The following UBE4B variants were observed in gnomAD, a reference collection of about 807,000 sequenced individuals.
UBE4B encodes ubiquitin conjugation factor E4 B.
UBE4B carries 27 observed loss-of-function variants against 148.1 expected under a neutral mutation model. That is an observed-to-expected ratio of 0.18 (90% CI 0.13 to 0.25). The LOEUF is 0.25. Ranked by LOEUF, UBE4B falls within the 10% of genes least tolerant of loss-of-function variation. The pLI, the probability that UBE4B is intolerant of heterozygous loss-of-function variation, is 1.00. For synonymous variants in UBE4B, 596 were observed against 619.3 expected (o/e 0.96, Z 0.56); for missense variants, 1,170 against 1,662.4 (o/e 0.70, Z 5.15).
chr1:10,136,923 A>G, intron 16 of UBE4B, 144 bp from the exon 17 acceptor site: 1 of 897,170 alleles, frequency 1.1e-6, no homozygotes, highest in Non-Finnish European at 1.6e-6. Flanking sequence ...TCCATCTCAA[A>G]TAAATAAATA....
At chr1:10,061,499 C>T (rs958076769) in intron 1 of UBE4B, among the ~76,000 whole-genome samples, 1 of 152,154 alleles carries the variant, frequency 6.6e-6, no homozygotes, top group Non-Finnish European at 1.5e-5. Context: ...TCAGGTAATC[C>T]GCCTGCTTCC....
At chr1:10,119,459 A>T (rs955492252) in intron 8 of UBE4B, 54 bp from the exon 9 acceptor site, 13 of 1,565,318 alleles carry the variant, frequency 8.3e-6, no homozygotes, top group Middle Eastern at 1.7e-4. Flanking sequence ...TTTTAACAGC[A>T]TGGAATTGTA....
intron 5 of UBE4B, 96 bp from the exon 6 acceptor site, chr1:10,105,420 G>T: frequency 1.0e-6 from 1 of 993,950 alleles, no homozygotes; most frequent in South Asian, 1.4e-5. Context: ...CCAGGATACT[G>T]CATCGAACCA....
At chr1:10,057,606 G>C (rs1444235793) in intron 1 of UBE4B, among the ~76,000 whole-genome samples, 4 of 150,750 alleles carry the variant, frequency 2.7e-5, no homozygotes, top group Non-Finnish European at 5.9e-5. Flanking sequence ...GAGTCTTGCT[G>C]TGTTCCCCAG....
In UBE4B at chr1:10,178,787, C is replaced by G; in HGVS notation, c.3669C>G (p.Ile1223Met). ...TGGCCAAGAACGCACGCGCAGAAAT[C>G]GACTACAGCGACGCTCCTGATGAGT... ...EIVAKNARAEIDYSDAPDEFR... is the reference protein window; with the variant it reads ...EIVAKNARAEMDYSDAPDEFR... Residue 1223 changes from isoleucine to methionine, a missense_variant, in exon 26 of 28, where the codon ATC becomes ATG. Transcript: ENST00000343090. 1 of 1,612,586 alleles carries G rather than the reference C, an allele frequency of 6.2e-7. No homozygotes were observed. The highest frequency in any genetic ancestry group is 8.5e-7 in the Non-Finnish European group (1 of 1,179,558).
chr1:10,091,654 G>T (rs954817273), intron 2 of UBE4B, among the ~76,000 whole-genome samples: 1 of 151,984 alleles, frequency 6.6e-6, no homozygotes, highest in South Asian at 2.1e-4. Context: ...CACCCAGGCC[G>T]CAGTGCAGTG....
At chr1:10,047,409 C>G (rs1019754480) in intron 1 of UBE4B, among the ~76,000 whole-genome samples, 6 of 151,998 alleles carry the variant, frequency 3.9e-5, no homozygotes, top group African/African-American at 7.2e-5. Flanking sequence ...ATCTGCATCC[C>G]AGTCCTTAGG....
At chr1:10,070,962 A>G (rs1299792008) in intron 1 of UBE4B, among the ~76,000 whole-genome samples, 4 of 152,116 alleles carry the variant, frequency 2.6e-5, no homozygotes, top group Non-Finnish European at 5.9e-5. Context: ...CCCAGGCTAG[A>G]GTGCAGTGGT....
chr1:10,094,687 A>G (rs890604380), intron 2 of UBE4B, among the ~76,000 whole-genome samples: 18 of 149,642 alleles, frequency 1.2e-4, no homozygotes, highest in Middle Eastern at 3.2e-3. Context: ...ACCCGCCTCG[A>G]CCTCCCAAAA....
intron 1 of UBE4B, among the ~76,000 whole-genome samples, chr1:10,061,879 G>C (rs1644293514): frequency 6.6e-6 from 1 of 151,244 alleles, no homozygotes; most frequent in South Asian, 2.1e-4. Context: ...TGTAGTGTGT[G>C]CTGATCTCAC....
chr1:10,151,572 G>T lies in UBE4B; in HGVS notation c.2926+11G>T. On this transcript the variant is annotated intron_variant, in intron 21 of 27. Transcript: ENST00000343090. The stretch of plus-strand genomic sequence containing the variant: ...TGAAGTTTTATACAGGTAGGTTGCT[G>T]GAACACAGTGTAGCACATGGCAGGC... 6.2e-7 allele frequency: 1 copy of T among 1,610,394 alleles called. No homozygotes were observed.
At chr1:10,140,846 C>G (rs1415271956) in intron 17 of UBE4B, among the ~76,000 whole-genome samples, 1 of 152,172 alleles carries the variant, frequency 6.6e-6, no homozygotes, top group African/African-American at 2.4e-5. Flanking sequence ...ATTTTCCAAG[C>G]TCTTTAAGTT....
rs1446588132 is a variant in UBE4B, at chr1:10,168,907, AG to A, written c.3333+638del. 1.3e-5 allele frequency among the ~76,000 whole-genome samples: 2 copies of A among 150,882 alleles called. No individual in the cohort carries two copies. The highest frequency in any genetic ancestry group is 2.4e-5 in the African/African-American group (1 of 41,054). On this transcript the variant is annotated intron_variant, in intron 24 of 27. Coordinates refer to ENST00000343090, the MANE Select transcript of UBE4B (RefSeq NM_001105562.3). This position sits in a 1 kb window ranked among gnomAD's most constrained non-coding sequence, Gnocchi z 4.9. ...ACTCCATCTCAAAAAAAAAAAAAAA[AG>A]AAGAAGAAAAAGCATAAGGTAACAG...
chr1:10,051,654 G>A lies in UBE4B; in HGVS notation c.24+17960G>A, dbSNP rs193265213. Among the ~76,000 whole-genome samples the A allele has an allele frequency of 1.5e-3, 233 of 152,302 alleles. 4 individuals carry two copies. The highest frequency in any genetic ancestry group is 2.5e-3 in the Non-Finnish European group (171 of 68,032). ...GATTGGTGGCCTGAATGTACTAAGA[G>A]GGTGAAGGTGGAGTGTAGAGCTTTG... On this transcript the variant is annotated intron_variant, in intron 1 of 27. Coordinates refer to ENST00000343090, the MANE Select transcript of UBE4B (RefSeq NM_001105562.3).
intron 25 of UBE4B, among the ~76,000 whole-genome samples, chr1:10,175,446 T>C (rs1425024433): frequency 6.6e-6 from 1 of 151,382 alleles, no homozygotes; most frequent in Non-Finnish European, 1.5e-5. Flanking sequence ...GGTCAGGAGA[T>C]CGAGACCGTC....
rs1482328152 is a variant in UBE4B at position 10,168,291 on chromosome 1, CTGTT to C, written c.3333+24_3333+27del. The C allele has an allele frequency of 7.4e-6, 12 of 1,612,846 alleles. No individual in the cohort carries two copies. Among genetic ancestry groups the C allele is most frequent in the African/African-American group, 4.0e-5 (3 of 74,866 alleles). ...GACCGGTGAGTAGAAACCCGGGGCT[CTGTT>C]TGGTGGTTTGGACTCCACATTCAGA... On this transcript the variant is annotated intron_variant, in intron 24 of 27. Coordinates refer to ENST00000343090, the MANE Select transcript of UBE4B (RefSeq NM_001105562.3). The surrounding 1 kb of genome is among the most constrained non-coding windows in gnomAD (Gnocchi z 4.9).
At chr1:10,142,535 G>A (rs1645799495) in intron 17 of UBE4B, among the ~76,000 whole-genome samples, 1 of 151,918 alleles carries the variant, frequency 6.6e-6, no homozygotes, top group African/African-American at 2.4e-5. Context: ...GCCGGTCATG[G>A]TAGTGCATGC....
chr1:10,127,728 G>A (rs775170673), intron 11 of UBE4B, among the ~76,000 whole-genome samples: 11 of 151,854 alleles, frequency 7.2e-5, no homozygotes, highest in Admixed American at 1.3e-4. Flanking sequence ...CATTACTGAC[G>A]ATCTGTTCTG....
chr1:10,071,646 A>G (rs1211606366), intron 1 of UBE4B, among the ~76,000 whole-genome samples: 2 of 152,180 alleles, frequency 1.3e-5, no homozygotes, highest in Non-Finnish European at 2.9e-5. Context: ...TGTGATAAAC[A>G]GAGATGGTAA....
Sources: gnomAD v4.1 joint callset for allele counts (sites outside exome capture counted in the v4.1 genomes callset) on GRCh38, gnomAD v4.1.1 for gene constraint, Gnocchi (gnomAD v3.1) non-coding constraint, MANE v1.5 for transcripts, NCBI Gene and HGNC (gene_info 2026-07-23, HGNC 2026-07-21) for gene names.